ADAMTS17: variants seen among roughly 807,000 people sequenced by gnomAD.
ADAMTS17 encodes the protein A disintegrin and metalloproteinase with thrombospondin motifs 17.
Under a neutral mutation model 141.5 loss-of-function variants are expected in ADAMTS17, and 113 were observed. The observed-to-expected ratio is 0.80, with a 90% CI of 0.69 to 0.93. The LOEUF is 0.93. ADAMTS17 is among the 40% of genes least tolerant of loss of function. The pLI, the probability that ADAMTS17 is intolerant of heterozygous loss-of-function variation, is 0.00. For synonymous variants in ADAMTS17, 768 were observed against 630.6 expected, an observed-to-expected ratio of 1.22 and a Z score of -3.27; for missense variants, 1,659 against 1,517.9, an observed-to-expected ratio of 1.09 and a Z score of -1.54.
At chr15:99,996,831 A>C (rs952750553) in intron 19 of ADAMTS17, among the ~76,000 whole-genome samples, 6 of 152,200 alleles carry the variant, frequency 3.9e-5, no homozygotes, top group Admixed American at 1.3e-4. Flanking sequence ...AGTCAATGCA[A>C]AGCCCTGAAG....
chr15:100,194,496 A>T (rs902053963), intron 8 of ADAMTS17, among the ~76,000 whole-genome samples: 5 of 152,226 alleles, frequency 3.3e-5, no homozygotes, highest in Non-Finnish European at 7.3e-5. Context: ...CACCCACCTT[A>T]AAGTCACACT....
rs80070570 is a variant in ADAMTS17, at chr15:100,144,295, T to C, written c.1473+8317A>G. Among the ~76,000 whole-genome samples, 31 of 152,278 alleles carry C rather than the reference T, an allele frequency of 2.0e-4. No individual in the cohort carries two copies. The East Asian group carries it at 4.8e-3, about 24-fold the overall frequency. ...GGCTGGGCGTGGTGGCTCACACCTGTAGTCCCAGCACTTTGGGAGGCTGAG... is the reference window on the plus strand; with the variant it reads ...GGCTGGGCGTGGTGGCTCACACCTGCAGTCCCAGCACTTTGGGAGGCTGAG... On this transcript the variant is annotated intron_variant, in intron 10 of 21. Transcript: ENST00000268070.
At chr15:100,166,090 C>CT (rs34266927) in intron 8 of ADAMTS17, among the ~76,000 whole-genome samples, 1 of 152,038 alleles carries the variant, frequency 6.6e-6, no homozygotes. Flanking sequence ...TTTTGCCAGG[C>CT]TTTTTTTGAA....
rs569154919 is a variant in ADAMTS17, at chr15:100,153,913, G to A, written c.1323-1151C>T. ...CACCTGATCTTGGCCGGGCGCGGTA[G>A]CTCACACCTGTAATCCCAGCACTTT... On this transcript the variant is annotated intron_variant, in intron 9 of 21. Transcript: ENST00000268070. Among the ~76,000 whole-genome samples the A allele has an allele frequency of 1.7e-4, 26 of 152,310 alleles. 1 individual carries two copies. Among genetic ancestry groups the A allele is most frequent in the South Asian group, 8.3e-4 (4 of 4,824 alleles).
At chr15:100,331,956 C>T (rs2046066244) in intron 2 of ADAMTS17, among the ~76,000 whole-genome samples, 1 of 149,272 alleles carries the variant, frequency 6.7e-6, no homozygotes, top group Non-Finnish European at 1.5e-5. Context: ...GTATAAAACT[C>T]ACTTAAGCCA....
chr15:100,131,931 T>C, intron 12 of ADAMTS17, 76 bp downstream of exon 12: 1 of 1,606,164 alleles, frequency 6.2e-7, no homozygotes, highest in Non-Finnish European at 8.5e-7. Flanking sequence ...GACCCTGCTT[T>C]GTGTGAGGCA....
intron 20 of ADAMTS17, among the ~76,000 whole-genome samples, chr15:99,977,237 G>C (rs1343791768): frequency 1.3e-5 from 2 of 150,592 alleles, no homozygotes; most frequent in East Asian, 3.9e-4. Context: ...CCCAGCATGA[G>C]GAGGTGCCGT....
At chr15:100,175,661 G>A (rs1167670086) in intron 8 of ADAMTS17, among the ~76,000 whole-genome samples, 1 of 151,888 alleles carries the variant, frequency 6.6e-6, no homozygotes, top group African/African-American at 2.4e-5. Context: ...TTTGTCTCTT[G>A]GTTCTCAGTC....
At chr15:99,987,177 C>T (rs2060606859) in intron 20 of ADAMTS17, among the ~76,000 whole-genome samples, 1 of 152,236 alleles carries the variant, frequency 6.6e-6, no homozygotes, top group Non-Finnish European at 1.5e-5. Context: ...TGGAAACAGT[C>T]TCATCTTTCT....
intron 9 of ADAMTS17, among the ~76,000 whole-genome samples, chr15:100,153,088 A>G (rs1397792810): frequency 1.3e-5 from 2 of 152,138 alleles, no homozygotes; most frequent in African/African-American, 4.8e-5. Context: ...TTTGGAAGAG[A>G]TTATCGTATT....
chr15:100,077,374 A>C (rs1235936344), intron 15 of ADAMTS17, among the ~76,000 whole-genome samples: 1 of 151,476 alleles, frequency 6.6e-6, no homozygotes, highest in Non-Finnish European at 1.5e-5. Flanking sequence ...AGGCACGAGA[A>C]TCGCTTGAAC....
chr15:100,010,902 T>C (rs1343936090), intron 18 of ADAMTS17, among the ~76,000 whole-genome samples: 2 of 152,126 alleles, frequency 1.3e-5, no homozygotes, highest in African/African-American at 4.8e-5. Context: ...TCATATACAT[T>C]TCCCTGAAAA....
intron 13 of ADAMTS17, among the ~76,000 whole-genome samples, chr15:100,114,175 TA>T (rs1169414494): frequency 6.3e-3 from 740 of 118,042 alleles, no homozygotes; most frequent in Non-Finnish European, 8.2e-3. Context: ...TTTTTTTTTT[TA>T]AAAAAAGGAA....
intron 18 of ADAMTS17, among the ~76,000 whole-genome samples, chr15:100,028,645 TC>T (rs1233440067): frequency 6.6e-6 from 1 of 152,226 alleles, no homozygotes; most frequent in Non-Finnish European, 1.5e-5. Context: ...ACTCTCTCAG[TC>T]CCCTGTCGTA....
chr15:100,088,561 G>C (rs1483094308), intron 15 of ADAMTS17, among the ~76,000 whole-genome samples: 1 of 152,016 alleles, frequency 6.6e-6, no homozygotes, highest in South Asian at 2.1e-4. Context: ...AACAAAGCTG[G>C]AGGCATCACA....
At chr15:100,077,669 T>C (rs2034472344) in intron 15 of ADAMTS17, among the ~76,000 whole-genome samples, 1 of 152,152 alleles carries the variant, frequency 6.6e-6, no homozygotes, top group Non-Finnish European at 1.5e-5. Flanking sequence ...GCATATTTAA[T>C]GGTGAAATAC....
At chr15:100,294,601 A>C (rs2044747071) in intron 3 of ADAMTS17, among the ~76,000 whole-genome samples, 1 of 151,386 alleles carries the variant, frequency 6.6e-6, no homozygotes, top group Admixed American at 6.6e-5. Flanking sequence ...CCGGCGACTC[A>C]GGAGGCTGAG....
rs181111582 is a variant in ADAMTS17 at position 99,976,300 on chromosome 15, C to T, written c.2950-78G>A. The T allele has an allele frequency of 6.2e-5, 93 of 1,511,002 alleles. No homozygotes were observed. The African/African-American group carries it at 7.2e-4, about 12-fold the overall frequency. 93.6% of individuals were successfully genotyped at this position (1,511,002 alleles called of 1,614,324 possible). A position where few individuals can be genotyped will look rare whatever the true frequency, so the allele number is the denominator to read the frequency against. On this transcript the variant is annotated intron_variant, in intron 20 of 21. Transcript: ENST00000268070. ...ATGATGGCCTCACAATGTGGCACTG[C>T]GGAGACAGGACAGCCTGAGTGGGGG...
intron 18 of ADAMTS17, among the ~76,000 whole-genome samples, chr15:100,035,135 GC>G (rs1234936337): frequency 6.6e-6 from 1 of 152,156 alleles, no homozygotes; most frequent in Non-Finnish European, 1.5e-5. Flanking sequence ...TTTCAAAAGA[GC>G]AATACCTTTG....
Sources: allele counts gnomAD v4.1 joint callset (sites outside exome capture counted in the v4.1 genomes callset), GRCh38; gene constraint gnomAD v4.1.1; transcripts MANE v1.5; gene names NCBI Gene and HGNC (gene_info 2026-07-23, HGNC 2026-07-21).